KCNG4: variants seen among roughly 807,000 people sequenced by gnomAD.
KCNG4 encodes the protein voltage-gated potassium channel regulatory subunit KCNG4.
KCNG4 carries 30 observed loss-of-function variants against 28.2 expected under a neutral mutation model. That is an observed-to-expected ratio of 1.06 (90% CI 0.80 to 1.44). The LOEUF (loss-of-function observed/expected upper bound fraction) is 1.44, where lower values mean the gene tolerates loss of function less well. KCNG4 is among the 40% of genes most tolerant of loss of function. The pLI is 0.00. For missense variants in KCNG4, 879 were observed against 712.3 expected, an observed-to-expected ratio of 1.23 and a Z score of -2.66; for synonymous variants, 375 against 315.5, an observed-to-expected ratio of 1.19 and a Z score of -2.00.
chr16:84,234,960 T>C (rs937185353), intron 2 of KCNG4, among the ~76,000 whole-genome samples: 4 of 152,192 alleles, frequency 2.6e-5, no homozygotes, highest in African/African-American at 9.7e-5. Flanking sequence ...AGCCTGTCTC[T>C]GGGCACACAC....
intron 2 of KCNG4, among the ~76,000 whole-genome samples, chr16:84,227,205 A>G (rs1904717865): frequency 6.6e-6 from 1 of 152,212 alleles, no homozygotes; most frequent in Non-Finnish European, 1.5e-5. Context: ...CAAAAGGTTA[A>G]ACAGAATTAC....
chr16:84,229,653 G>C (rs563753664), intron 2 of KCNG4, among the ~76,000 whole-genome samples: 1 of 152,326 alleles, frequency 6.6e-6, no homozygotes, highest in African/African-American at 2.4e-5. Context: ...AACGACTCAT[G>C]AATGAGTGTG....
In KCNG4 at chr16:84,222,156, T is replaced by G; in HGVS notation, c.*61A>C. ...CCAGGTGGTCTATGCGGGGTACCCT[T>G]GAGTGTGTTTCAGGCAGGGTGATGG... On this transcript the variant is annotated 3_prime_UTR_variant, in exon 3 of 3. Transcript: ENST00000308251. The G allele has an allele frequency of 2.0e-5, 31 of 1,540,528 alleles. No individual in the cohort carries two copies. The highest frequency in any genetic ancestry group is 2.8e-5 in the Non-Finnish European group (31 of 1,120,538).
rs188981293 is a variant in KCNG4, at chr16:84,227,733, T to C, written c.757-4713A>G. On this transcript the variant is annotated intron_variant, in intron 2 of 2. Transcript: ENST00000308251. Reference sequence around the variant, plus strand: ...GCCTATTCATACAATGGAATAGTAGTCAGCCATGAAAAGGAATGAAGGGCT... The same window carrying C: ...GCCTATTCATACAATGGAATAGTAGCCAGCCATGAAAAGGAATGAAGGGCT... 8.5e-5 allele frequency among the ~76,000 whole-genome samples: 13 copies of C among 152,272 alleles called. No individual in the cohort carries two copies. In the East Asian group the frequency reaches 2.5e-3, roughly 29 times the overall value.
rs377345874 is a variant in KCNG4, at chr16:84,226,799, G to A, written c.757-3779C>T. ...CGGGCTGAGGCAGGAGAATGGCTTG[G>A]ACCTGGTAGGCGGAGGTTGCAGTGA... On this transcript the variant is annotated intron_variant, in intron 2 of 2. Transcript: ENST00000308251. This position sits in a 1 kb window ranked among gnomAD's most constrained non-coding sequence, Gnocchi z 4.1. Among the ~76,000 whole-genome samples, 1 of 151,658 alleles carries A rather than the reference G, an allele frequency of 6.6e-6. No individual in the cohort carries two copies. Among genetic ancestry groups the A allele is most frequent in the Non-Finnish European group, 1.5e-5 (1 of 67,894 alleles).
intron 2 of KCNG4, among the ~76,000 whole-genome samples, chr16:84,229,340 T>C (rs1054786992): frequency 2.6e-5 from 4 of 151,942 alleles, no homozygotes; most frequent in Non-Finnish European, 5.9e-5. Flanking sequence ...GGAGCATTAC[T>C]AGCTTAGCTG....
intron 2 of KCNG4, among the ~76,000 whole-genome samples, chr16:84,227,427 A>AGT (rs1310318005): frequency 6.6e-6 from 1 of 152,136 alleles, no homozygotes; most frequent in East Asian, 1.9e-4. Context: ...AAATACAAAA[A>AGT]TTAGCCAGGC....
chr16:84,222,500 G>A lies in KCNG4; in HGVS notation c.1277C>T (p.Pro426Leu), dbSNP rs914803510. The A allele has an allele frequency of 4.3e-6, 7 of 1,613,432 alleles. No individual in the cohort carries two copies. Among genetic ancestry groups the A allele is most frequent in the Non-Finnish European group, 5.1e-6 (6 of 1,179,828 alleles). Residue 426 changes from proline (P) to leucine (L), a missense_variant, in exon 3 of 3, where the codon CCC becomes CTC. Pro to Leu is a moderately conservative substitution (Grantham distance 98). Transcript: ENST00000308251. ...CACCATCTGGCCTGGCACACTGCGGGGCACCATGTCCCCGTAGCCCACCGT... is the reference window on the plus strand; with the variant it reads ...CACCATCTGGCCTGGCACACTGCGGAGCACCATGTCCCCGTAGCCCACCGT... Reference protein sequence around the residue: ...MTTVGYGDMVPRSVPGQMVAL... With the variant: ...MTTVGYGDMVLRSVPGQMVAL...
chr16:84,228,497 C>T (rs888377277), intron 2 of KCNG4, among the ~76,000 whole-genome samples: 5 of 152,248 alleles, frequency 3.3e-5, no homozygotes, highest in East Asian at 1.9e-4. Flanking sequence ...ACTTTTCTCT[C>T]GGCCAGCCGT....
intron 2 of KCNG4, among the ~76,000 whole-genome samples, chr16:84,231,765 A>C (rs972402881): frequency 6.6e-6 from 1 of 152,152 alleles, no homozygotes; most frequent in African/African-American, 2.4e-5. Flanking sequence ...GCACTTTGGG[A>C]GGCAGAGGAG....
chr16:84,235,022 G>A (rs898073367), intron 2 of KCNG4, among the ~76,000 whole-genome samples: 11 of 152,110 alleles, frequency 7.2e-5, no homozygotes, highest in Admixed American at 2.0e-4. Flanking sequence ...GGCTGGGCCC[G>A]GGCATAAATC....
intron 2 of KCNG4, chr16:84,236,297 G>T (rs1904946467): frequency 4.5e-6 from 1 of 224,252 alleles, no homozygotes; most frequent in African/African-American, 2.3e-5. Flanking sequence ...GCACAGAGTG[G>T]TGTTCAGTAA....
chr16:84,230,543 G>T (rs1267195307), intron 2 of KCNG4, among the ~76,000 whole-genome samples: 2 of 152,104 alleles, frequency 1.3e-5, no homozygotes, highest in East Asian at 3.9e-4. Flanking sequence ...CTGCACTCCA[G>T]CCTGGGTGAC....
At chr16:84,234,397 T>C (rs1469226743) in intron 2 of KCNG4, among the ~76,000 whole-genome samples, 1 of 151,924 alleles carries the variant, frequency 6.6e-6, no homozygotes, top group Non-Finnish European at 1.5e-5. Context: ...CAGGCTGATC[T>C]CAAACTCCTG....
chr16:84,228,404 G>A (rs1904744827), intron 2 of KCNG4, among the ~76,000 whole-genome samples: 1 of 152,004 alleles, frequency 6.6e-6, no homozygotes, highest in African/African-American at 2.4e-5. Flanking sequence ...CTTTGGCCCT[G>A]GCCCGAGGCC....
intron 2 of KCNG4, among the ~76,000 whole-genome samples, chr16:84,229,119 T>C (rs181736845): frequency 1.2e-4 from 18 of 152,156 alleles, no homozygotes; most frequent in African/African-American, 4.3e-4. Flanking sequence ...GGCCAGTGTG[T>C]GGAAACCCTG....
chr16:84,224,647 T>C (rs948243178), intron 2 of KCNG4, among the ~76,000 whole-genome samples: 6 of 152,134 alleles, frequency 3.9e-5, no homozygotes, highest in African/African-American at 1.2e-4. Flanking sequence ...ACCACGACAG[T>C]CTCTATTTGC....
rs1156965758 is a variant in KCNG4, at chr16:84,237,141, C to T, written c.345G>A (p.Arg115=). ...DEDSQEFFFD[R]SPSAFGVIVS... is the part of the protein sequence containing the mutation. The stretch of plus-strand genomic sequence containing the variant: ...CGATCACCCCGAAGGCGCTGGGGCT[C>T]CTGTCGAAGAAGAACTCCTGGCTGT... The change falls in exon 2 of 3, where the codon AGG becomes AGA. Residue 115 remains arginine (R), a synonymous_variant. Coordinates refer to ENST00000308251, the MANE Select transcript of KCNG4 (RefSeq NM_172347.3). 1 of 1,614,166 alleles carries T rather than the reference C, an allele frequency of 6.2e-7. No individual in the cohort carries two copies. Among genetic ancestry groups the T allele is most frequent in the East Asian group, 2.2e-5 (1 of 44,882 alleles).
chr16:84,229,621 C>T (rs1002352808), intron 2 of KCNG4, among the ~76,000 whole-genome samples: 26 of 152,332 alleles, frequency 1.7e-4, no homozygotes, highest in Admixed American at 2.0e-4. Context: ...AGCACAGGCC[C>T]GGCCTGCAGG....
Sources: gnomAD v4.1 joint callset for allele counts (sites outside exome capture counted in the v4.1 genomes callset) on GRCh38, gnomAD v4.1.1 for gene constraint, Gnocchi (gnomAD v3.1) non-coding constraint, MANE v1.5 for transcripts, NCBI Gene and HGNC (gene_info 2026-07-23, HGNC 2026-07-21) for gene names.